S100Z: variants seen among roughly 807,000 people sequenced by gnomAD.
The protein encoded by S100Z is protein S100-Z.
In S100Z, 11 loss-of-function variants were observed where a neutral mutation model predicts 8.5. The observed-to-expected ratio is 1.30, with a 90% confidence interval of 0.82 to 2.15. The LOEUF is 2.15. S100Z is among the 30% of genes most tolerant of loss of function. S100Z has a pLI of 0.00. For synonymous variants in S100Z, 34 were observed against 43.8 expected (o/e 0.78, Z 0.89); for missense variants, 126 against 117.9 (o/e 1.07, Z -0.32).
chr5:76,885,359 T>C (rs1312760345), intron 4 of S100Z, among the ~76,000 whole-genome samples: 12 of 143,112 alleles, frequency 8.4e-5, no homozygotes, highest in Admixed American at 2.8e-4. Flanking sequence ...TGAAACGGGG[T>C]GGGAGGTGCT....
chr5:76,893,387 T>C (rs1322615233), intron 4 of S100Z, among the ~76,000 whole-genome samples: 1 of 151,968 alleles, frequency 6.6e-6, no homozygotes, highest in Non-Finnish European at 1.5e-5. Flanking sequence ...CTACAAAAAA[T>C]ACAAAAATTA....
intron 1 of S100Z, among the ~76,000 whole-genome samples, chr5:76,863,696 A>G (rs6886838): frequency 0.38 from 56,445 of 150,438 alleles, 12,964 homozygotes; most frequent in African/African-American, 0.65. Context: ...CCGCCACCAC[A>G]CCCAGCTAAT....
At chr5:76,863,082 G>A (rs1751113209) in intron 1 of S100Z, among the ~76,000 whole-genome samples, 1 of 152,214 alleles carries the variant, frequency 6.6e-6, no homozygotes, top group Admixed American at 6.5e-5. Context: ...AAAGAAGAGA[G>A]AACACTTTCT....
At chr5:76,913,373 A>C (rs953025566) in intron 4 of S100Z, among the ~76,000 whole-genome samples, 8 of 152,246 alleles carry the variant, frequency 5.3e-5, no homozygotes, top group African/African-American at 1.9e-4. Context: ...TAAGTGATAA[A>C]GAAACTCTTG....
chr5:76,885,382 A>G (rs1743572596), intron 4 of S100Z, among the ~76,000 whole-genome samples: 1 of 148,858 alleles, frequency 6.7e-6, no homozygotes, highest in African/African-American at 2.5e-5. Context: ...TCTCCCAGGA[A>G]AGTGGGAATG....
At chr5:76,852,503 A>G (rs1034485411) in intron 1 of S100Z, among the ~76,000 whole-genome samples, 1 of 152,118 alleles carries the variant, frequency 6.6e-6, no homozygotes, top group Non-Finnish European at 1.5e-5. Context: ...TTGAGGCCAA[A>G]GTTTGAGAAT....
rs1245587105 is a variant in S100Z, at chr5:76,921,517, A to T, written c.*803A>T. 1.3e-5 allele frequency: 2 copies of T among 152,218 alleles called. No homozygotes were observed. The highest frequency in any genetic ancestry group is 2.9e-5 in the Non-Finnish European group (2 of 68,036). The allele number at this position is 152,218 out of a possible 1,614,324, so 9.4% of individuals were successfully genotyped here. A position where few individuals can be genotyped will look rare whatever the true frequency, so the allele number is the denominator to read the frequency against. ...CTTTGTGAGAGTTAACGATTATTTA[A>T]AAGTATTCATAATTTTCTGATAATA... On this transcript the variant is annotated 3_prime_UTR_variant, in exon 5 of 5. Coordinates refer to ENST00000317593, the MANE Select transcript of S100Z (RefSeq NM_130772.4).
rs140345087 is a variant in S100Z, at chr5:76,892,130, G to A, written c.*2+14296G>A. Among the ~76,000 whole-genome samples the A allele has an allele frequency of 7.6e-4, 116 of 152,278 alleles. 1 individual carries two copies. Among genetic ancestry groups the A allele is most frequent in the Admixed American group, 2.9e-3 (45 of 15,292 alleles). Reference sequence around the variant, plus strand: ...TCTGATTGTTAAAATAAGATAGCAAGCACCCAGAACACATGAAGTGCTCAA... The same window carrying A: ...TCTGATTGTTAAAATAAGATAGCAAACACCCAGAACACATGAAGTGCTCAA... On this transcript the variant is annotated intron_variant, in intron 4 of 4. Transcript: ENST00000317593.
chr5:76,946,849 G>A, the S100Z span, among the ~76,000 whole-genome samples: 8 of 152,042 alleles, frequency 5.3e-5, no homozygotes, highest in Admixed American at 5.2e-4. Context: ...ACATTGAATC[G>A]AGGTGGGCCT....
intron 4 of S100Z, among the ~76,000 whole-genome samples, chr5:76,909,065 A>G (rs913625430): frequency 6.6e-6 from 1 of 152,174 alleles, no homozygotes; most frequent in African/African-American, 2.4e-5. Context: ...TATTCCGATC[A>G]GCAGGGTCCA....
At chr5:76,935,196 G>A in the S100Z span, among the ~76,000 whole-genome samples, 14 of 152,196 alleles carry the variant, frequency 9.2e-5, no homozygotes, top group African/African-American at 3.1e-4. Flanking sequence ...CATATTTAAT[G>A]TGGGACTAAA....
intron 4 of S100Z, among the ~76,000 whole-genome samples, chr5:76,910,256 A>G (rs1744601453): frequency 6.6e-6 from 1 of 152,204 alleles, no homozygotes. Context: ...ACTGATTCTA[A>G]AAGATAAGTT....
At chr5:76,952,095 G>T in the S100Z span, among the ~76,000 whole-genome samples, 2 of 152,206 alleles carry the variant, frequency 1.3e-5, no homozygotes, top group Non-Finnish European at 2.9e-5. Context: ...TGGACACAAA[G>T]AAGAAATTCT....
At chr5:76,902,661 T>C (rs1043900329) in intron 4 of S100Z, among the ~76,000 whole-genome samples, 1 of 152,078 alleles carries the variant, frequency 6.6e-6, no homozygotes, top group Non-Finnish European at 1.5e-5. Flanking sequence ...GTTGTTTGTT[T>C]TTTTTTCTGT....
chr5:76,912,596 G>C (rs1389418200), intron 4 of S100Z, among the ~76,000 whole-genome samples: 1 of 152,256 alleles, frequency 6.6e-6, no homozygotes, highest in Non-Finnish European at 1.5e-5. Flanking sequence ...GATAGCAAAT[G>C]TGCTTATCTA....
chr5:76,879,816 G>A lies in S100Z; in HGVS notation c.*2+1982G>A, dbSNP rs118009324. ...CTCAGAAGCCTAGAGAAGACAGCAC[G>A]TGGAGAAGGAAAGAGAGAAATCCAT... On this transcript the variant is annotated intron_variant, in intron 4 of 4. Transcript: ENST00000317593. Among the ~76,000 whole-genome samples the A allele has an allele frequency of 2.8e-4, 42 of 152,294 alleles. 1 individual carries two copies. The East Asian group carries it at 3.9e-3, about 14-fold the overall frequency.
At chr5:76,864,032 T>G (rs1751174096) in intron 1 of S100Z, among the ~76,000 whole-genome samples, 1 of 152,240 alleles carries the variant, frequency 6.6e-6, no homozygotes, top group Admixed American at 6.5e-5. Flanking sequence ...AATTAATGTT[T>G]TAACTGAAAA....
At chr5:76,907,931 C>A (rs961909734) in intron 4 of S100Z, among the ~76,000 whole-genome samples, 1 of 152,110 alleles carries the variant, frequency 6.6e-6, no homozygotes, top group Non-Finnish European at 1.5e-5. Context: ...GAGTTTGAGA[C>A]CAGCCTGGGC....
At chr5:76,882,428 G>T (rs772619877) in intron 4 of S100Z, among the ~76,000 whole-genome samples, 4 of 152,204 alleles carry the variant, frequency 2.6e-5, no homozygotes, top group Non-Finnish European at 5.9e-5. Flanking sequence ...TGTGGGGGCA[G>T]CTTCTAGGGC....
Sources: allele counts gnomAD v4.1 joint callset (sites outside exome capture counted in the v4.1 genomes callset), GRCh38; gene constraint gnomAD v4.1.1; transcripts MANE v1.5; gene names NCBI Gene and HGNC (gene_info 2026-07-23, HGNC 2026-07-21).